RTN1: variants seen among roughly 807,000 people sequenced by gnomAD.
RTN1 encodes the protein reticulon-1.
Under a neutral mutation model 65.5 loss-of-function variants are expected in RTN1, and 25 were observed. The observed-to-expected ratio is 0.38, with a 90% CI of 0.28 to 0.53. The LOEUF is 0.53. RTN1 is among the 20% of genes least tolerant of loss of function. The probability of loss-of-function intolerance (pLI) is 0.79; values close to 1 mark genes in which losing one functional copy is unlikely to be tolerated. For synonymous variants in RTN1, 471 were observed against 447.6 expected (o/e 1.05, Z -0.66); for missense variants, 983 against 1,025.4 (o/e 0.96, Z 0.57).
intron 1 of RTN1, among the ~76,000 whole-genome samples, chr14:59,811,243 G>A (rs534868895): frequency 6.6e-6 from 1 of 152,038 alleles, no homozygotes; most frequent in Admixed American, 6.6e-5. Flanking sequence ...GTCACAAATG[G>A]GCAAGTGGCT....
intron 1 of RTN1, among the ~76,000 whole-genome samples, chr14:59,754,653 C>T (rs191942771): frequency 1.3e-5 from 2 of 152,170 alleles, no homozygotes; most frequent in African/African-American, 4.8e-5. Context: ...CCTGATACAT[C>T]GAACACACTC....
intron 3 of RTN1, among the ~76,000 whole-genome samples, chr14:59,716,832 G>A (rs1350444586): frequency 2.6e-5 from 4 of 151,876 alleles, no homozygotes; most frequent in African/African-American, 9.7e-5. Flanking sequence ...GCCAGGCGTG[G>A]TGGTGGACGC....
At chr14:59,723,614 T>A (rs902313352) in intron 3 of RTN1, among the ~76,000 whole-genome samples, 23 of 151,842 alleles carry the variant, frequency 1.5e-4, no homozygotes, top group Non-Finnish European at 2.8e-4. Context: ...AGACTCCGTC[T>A]CAAAATAAAT....
Position 59,727,352 on chromosome 14 carries a change from G to C in RTN1, c.1332C>G (p.Pro444=). The part of the protein sequence containing the change: ...FGHVGGPPPS[P]ASPSIQYSIL... ...TGCTGTACTGGATGGATGGCGAGGC[G>C]GGCGAGGGCGGCGGGCCGCCCACGT... The change falls in exon 3 of 9, where the codon CCC becomes CCG. Residue 444 remains proline, a synonymous_variant. Transcript: ENST00000267484. This position sits in a 1 kb window ranked among gnomAD's most constrained non-coding sequence, Gnocchi z 4.2. 1.3e-6 allele frequency: 2 copies of C among 1,506,010 alleles called. No individual in the cohort carries two copies. The highest frequency in any genetic ancestry group is 1.4e-5 in the African/African-American group (1 of 72,316). 93.3% of individuals were successfully genotyped at this position (1,506,010 alleles called of 1,614,324 possible). A position where few individuals can be genotyped will look rare whatever the true frequency, so the allele number is the denominator to read the frequency against.
intron 3 of RTN1, among the ~76,000 whole-genome samples, chr14:59,684,971 T>A (rs951498332): frequency 1.3e-5 from 2 of 152,114 alleles, no homozygotes; most frequent in African/African-American, 4.8e-5. Context: ...AAAAAGTAAC[T>A]TTATCCCATG....
intron 3 of RTN1, among the ~76,000 whole-genome samples, chr14:59,652,214 C>T (rs1456369939): frequency 1.3e-5 from 2 of 152,188 alleles, no homozygotes; most frequent in African/African-American, 2.4e-5. Flanking sequence ...GAAAAGGGAA[C>T]ATTTATACAC....
rs1323288421 is a variant in RTN1, at chr14:59,689,888, A to T, written c.1765+37031T>A. 2.6e-5 allele frequency among the ~76,000 whole-genome samples: 4 copies of T among 152,292 alleles called. No homozygotes were observed. In the East Asian group the frequency reaches 7.7e-4, roughly 29 times the overall value. On this transcript the variant is annotated intron_variant, in intron 3 of 8. Transcript: ENST00000267484. ...AAGTACACAGCCCACAGACCCTATAAAGCAGCTACACAATAGAAACTACAA... is the reference window on the plus strand; with the variant it reads ...AAGTACACAGCCCACAGACCCTATATAGCAGCTACACAATAGAAACTACAA...
chr14:59,733,069 G>T (rs1372825980), intron 2 of RTN1, among the ~76,000 whole-genome samples: 3 of 147,006 alleles, frequency 2.0e-5, no homozygotes, highest in African/African-American at 5.2e-5. Context: ...GCCAGATTGT[G>T]GTCAGACTGC....
intron 1 of RTN1, among the ~76,000 whole-genome samples, chr14:59,788,656 C>T (rs970942049): frequency 1.3e-5 from 2 of 151,688 alleles, no homozygotes; most frequent in Non-Finnish European, 2.9e-5. Flanking sequence ...TTTTAAATAC[C>T]CAATGTTTAT....
intron 3 of RTN1, among the ~76,000 whole-genome samples, chr14:59,620,094 C>T (rs1050717628): frequency 6.6e-6 from 1 of 151,662 alleles, no homozygotes; most frequent in African/African-American, 2.4e-5. Context: ...AGCAAAGTCT[C>T]CACTAAGGAA....
At chr14:59,651,787 G>A (rs1187797839) in intron 3 of RTN1, among the ~76,000 whole-genome samples, 1 of 151,900 alleles carries the variant, frequency 6.6e-6, no homozygotes, top group African/African-American at 2.4e-5. Context: ...ATAGGTATGG[G>A]CAAAGATTTC....
rs1172986390 is a variant in RTN1 at position 59,825,743 on chromosome 14, C to G, written c.241+44647G>C. On this transcript the variant is annotated intron_variant, in intron 1 of 8. Transcript: ENST00000267484. The surrounding 1 kb of genome is among the most constrained non-coding windows in gnomAD (Gnocchi z 4.2). ...CAGTCTACCTTCCTCAGTGCCCCATCTTACTCTCCATTTTAGAGAAAATAA... is the reference window on the plus strand; with the variant it reads ...CAGTCTACCTTCCTCAGTGCCCCATGTTACTCTCCATTTTAGAGAAAATAA... Among the ~76,000 whole-genome samples, 1 of 152,222 alleles carries G rather than the reference C, an allele frequency of 6.6e-6. No homozygotes were observed. The highest frequency in any genetic ancestry group is 2.4e-5 in the African/African-American group (1 of 41,468).
chr14:59,843,240 T>C (rs1181070315), intron 1 of RTN1, among the ~76,000 whole-genome samples: 1 of 152,236 alleles, frequency 6.6e-6, no homozygotes, highest in African/African-American at 2.4e-5. Context: ...TCCCTTTCTA[T>C]GCTGTCCAAA....
At chr14:59,813,796 T>C (rs1886771592) in intron 1 of RTN1, among the ~76,000 whole-genome samples, 1 of 152,214 alleles carries the variant, frequency 6.6e-6, no homozygotes, top group African/African-American at 2.4e-5. Context: ...TTTTTCTCTA[T>C]TTCCAAGATA....
intron 3 of RTN1, among the ~76,000 whole-genome samples, chr14:59,699,405 A>T (rs1176393649): frequency 6.6e-6 from 1 of 152,198 alleles, no homozygotes; most frequent in Non-Finnish European, 1.5e-5. Context: ...TAAGAGGAAA[A>T]GAAACAAAAC....
At chr14:59,777,664 A>G (rs1034205197) in intron 1 of RTN1, among the ~76,000 whole-genome samples, 2 of 152,070 alleles carry the variant, frequency 1.3e-5, no homozygotes, top group African/African-American at 4.8e-5. Context: ...GACCAAAGGG[A>G]TGTCCCTCCT....
intron 1 of RTN1, among the ~76,000 whole-genome samples, chr14:59,839,532 A>G (rs1354365502): frequency 1.3e-5 from 2 of 152,138 alleles, no homozygotes; most frequent in East Asian, 3.8e-4. Context: ...TAACTGTTTG[A>G]CTATTATCCT....
chr14:59,749,308 C>CTA lies in RTN1; in HGVS notation c.242-2829_242-2828dup, dbSNP rs35027570. On this transcript the variant is annotated intron_variant, in intron 1 of 8. Transcript: ENST00000267484. Reference sequence around the variant, plus strand: ...TATATCTATATATATCTATATATATCTATATATATATCTATATATCTATAT... The same window carrying CTA: ...TATATCTATATATATCTATATATATCTATATATATATATCTATATATCTATAT... 2.2e-3 allele frequency among the ~76,000 whole-genome samples: 33 copies of CTA among 14,888 alleles called. 3 individuals are homozygous for CTA. In the South Asian group the frequency reaches 0.038, roughly 17 times the overall value. 9.8% of individuals were successfully genotyped at this position (14,888 alleles called of 152,430 possible).
intron 1 of RTN1, among the ~76,000 whole-genome samples, chr14:59,842,542 A>C (rs1887333165): frequency 6.6e-6 from 1 of 152,122 alleles, no homozygotes; most frequent in Non-Finnish European, 1.5e-5. Flanking sequence ...ATCTTAGGGC[A>C]CTGGGGCTTA....
Sources: allele counts gnomAD v4.1 joint callset (sites outside exome capture counted in the v4.1 genomes callset), GRCh38; gene constraint gnomAD v4.1.1; non-coding constraint Gnocchi (gnomAD v3.1); transcripts MANE v1.5; gene names NCBI Gene and HGNC (gene_info 2026-07-23, HGNC 2026-07-21).